SORCS2: variants seen among roughly 807,000 people sequenced by gnomAD.
SORCS2 encodes the protein VPS10 domain-containing receptor SorCS2.
A neutral mutation model predicts 141.6 loss-of-function variants in SORCS2; 100 were observed. The ratio of observed to expected loss-of-function variants is 0.71; its 90% CI spans 0.60 to 0.83. SORCS2 has a LOEUF of 0.83. Ranked by LOEUF, SORCS2 falls within the 40% of genes least tolerant of loss-of-function variation. The pLI, the probability that SORCS2 is intolerant of heterozygous loss-of-function variation, is 0.00. For synonymous variants in SORCS2, 789 were observed against 676.9 expected, an observed-to-expected ratio of 1.17 and a Z score of -2.57; for missense variants, 1,646 against 1,560.2, an observed-to-expected ratio of 1.05 and a Z score of -0.93.
chr4:7,317,385 G>A (rs1025246742), intron 1 of SORCS2, among the ~76,000 whole-genome samples: 3 of 152,204 alleles, frequency 2.0e-5, no homozygotes, highest in African/African-American at 4.8e-5. Context: ...CTGCGTCAAC[G>A]GAGGCATCCT....
At chr4:7,707,082 C>G (rs1199461524) in intron 14 of SORCS2, among the ~76,000 whole-genome samples, 1 of 152,244 alleles carries the variant, frequency 6.6e-6, no homozygotes, top group Non-Finnish European at 1.5e-5. Flanking sequence ...TGTGGGCACT[C>G]CAGGGCAGCT....
intron 1 of SORCS2, among the ~76,000 whole-genome samples, chr4:7,298,455 G>A (rs112400020): frequency 2.6e-5 from 4 of 152,272 alleles, no homozygotes; most frequent in African/African-American, 7.2e-5. Flanking sequence ...AGAGGGTGCC[G>A]GGAGCTTCCT....
At chr4:7,322,980 T>C (rs114759016) in intron 1 of SORCS2, among the ~76,000 whole-genome samples, 86 of 150,646 alleles carry the variant, frequency 5.7e-4, no homozygotes, top group African/African-American at 2.0e-3. Flanking sequence ...CCGTTTTTTA[T>C]CTTTTTCTGT....
chr4:7,384,897 A>G (rs1014836157), intron 1 of SORCS2, among the ~76,000 whole-genome samples: 2 of 152,240 alleles, frequency 1.3e-5, no homozygotes, highest in African/African-American at 4.8e-5. Flanking sequence ...TTCGAGGAGG[A>G]ATCAGGCAGG....
chr4:7,593,698 A>G (rs773708013), intron 3 of SORCS2, among the ~76,000 whole-genome samples: 3 of 152,170 alleles, frequency 2.0e-5, no homozygotes, highest in Non-Finnish European at 2.9e-5. Context: ...GGGAAGCCGG[A>G]GCAGATGTTG....
chr4:7,549,013 C>T (rs1713481726), intron 3 of SORCS2, among the ~76,000 whole-genome samples: 1 of 152,062 alleles, frequency 6.6e-6, no homozygotes, highest in Admixed American at 6.5e-5. Flanking sequence ...ATCCATAGAA[C>T]ATAGGGTGGG....
chr4:7,212,927 G>A (rs974615776), intron 1 of SORCS2, among the ~76,000 whole-genome samples: 5 of 152,204 alleles, frequency 3.3e-5, no homozygotes, highest in African/African-American at 1.2e-4. Flanking sequence ...GTCATTGGGG[G>A]GTCATCTGCC....
intron 2 of SORCS2, among the ~76,000 whole-genome samples, chr4:7,505,287 A>G (rs1177443234): frequency 6.6e-6 from 1 of 152,164 alleles, no homozygotes; most frequent in Non-Finnish European, 1.5e-5. Context: ...TGGGGCTTCC[A>G]CGGAGGGACA....
chr4:7,386,071 G>A (rs553294022), intron 1 of SORCS2, among the ~76,000 whole-genome samples: 17 of 151,120 alleles, frequency 1.1e-4, no homozygotes, highest in South Asian at 2.1e-4. Context: ...TGTTGCCTGC[G>A]CATACACATA....
At chr4:7,573,285 G>T (rs1378744301) in intron 3 of SORCS2, among the ~76,000 whole-genome samples, 3 of 152,190 alleles carry the variant, frequency 2.0e-5, no homozygotes, top group Non-Finnish European at 4.4e-5. Context: ...CTATTGAAAG[G>T]TGTTGTCTTC....
chr4:7,325,057 C>T (rs12503728), intron 1 of SORCS2, among the ~76,000 whole-genome samples: 27,055 of 152,184 alleles, frequency 0.18, 2,732 homozygotes, highest in East Asian at 0.36. Flanking sequence ...GGGCTGCAGA[C>T]GAGGCTGTCA....
At chr4:7,470,631 G>C (rs150777426) in intron 2 of SORCS2, among the ~76,000 whole-genome samples, 2 of 149,548 alleles carry the variant, frequency 1.3e-5, no homozygotes, top group African/African-American at 2.6e-5. Flanking sequence ...GTCTGGGCGA[G>C]GATTGGAGAG....
chr4:7,733,152 C>A (rs1268765271), intron 23 of SORCS2, among the ~76,000 whole-genome samples, 170 bp from the exon 24 acceptor site: 2 of 149,170 alleles, frequency 1.3e-5, no homozygotes, highest in African/African-American at 2.5e-5. Flanking sequence ...CTGTAGCAGA[C>A]CCTCTCCCCC....
At chr4:7,366,545 C>A (rs557951589) in intron 1 of SORCS2, among the ~76,000 whole-genome samples, 1 of 151,562 alleles carries the variant, frequency 6.6e-6, no homozygotes, top group South Asian at 2.1e-4. Context: ...CCAGCCTCAC[C>A]CCCTCCTCCA....
intron 1 of SORCS2, among the ~76,000 whole-genome samples, chr4:7,196,534 C>T (rs907724418): frequency 6.6e-6 from 1 of 152,144 alleles, no homozygotes; most frequent in African/African-American, 2.4e-5. Flanking sequence ...TTGACTTGAA[C>T]GTGAGCTTCC....
chr4:7,682,719 G>A, intron 9 of SORCS2, 24 bp from the exon 10 acceptor site: 1 of 1,594,874 alleles, frequency 6.3e-7, no homozygotes. Flanking sequence ...TAAGTTTACA[G>A]TCCTTCTTTT....
chr4:7,592,894 A>G (rs967024759), intron 3 of SORCS2, among the ~76,000 whole-genome samples: 1 of 152,258 alleles, frequency 6.6e-6, no homozygotes, highest in African/African-American at 2.4e-5. Flanking sequence ...GTTGTAAAGC[A>G]AATGCTAATA....
intron 5 of SORCS2, among the ~76,000 whole-genome samples, chr4:7,657,643 G>A (rs530720440): frequency 6.6e-6 from 1 of 152,252 alleles, no homozygotes; most frequent in Admixed American, 6.5e-5. Context: ...GTGAGTGAGT[G>A]AATGAGTGAC....
chr4:7,340,084 C>A (rs964964884), intron 1 of SORCS2, among the ~76,000 whole-genome samples: 1 of 152,188 alleles, frequency 6.6e-6, no homozygotes, highest in Non-Finnish European at 1.5e-5. Flanking sequence ...GCTGCCAGGC[C>A]GCATGTTCAG....
Sources: gnomAD v4.1 joint callset for allele counts (sites outside exome capture counted in the v4.1 genomes callset) on GRCh38, gnomAD v4.1.1 for gene constraint, MANE v1.5 for transcripts, NCBI Gene and HGNC (gene_info 2026-07-23, HGNC 2026-07-21) for gene names.